Variants in PHYH observed in about 807,000 individuals in gnomAD.
PHYH encodes the protein phytanoyl-CoA 2-hydroxylase, also known as phytanoyl-CoA dioxygenase, peroxisomal.
Under a neutral mutation model 38.5 loss-of-function variants are expected in PHYH, and 32 were observed. The ratio of observed to expected loss-of-function variants is 0.83; its 90% CI spans 0.63 to 1.12. The LOEUF is 1.12. Ranked by LOEUF, PHYH falls within the 50% of genes most tolerant of loss-of-function variation. The probability of loss-of-function intolerance (pLI) is 0.00; values close to 1 mark genes in which losing one functional copy is unlikely to be tolerated. For synonymous variants in PHYH, 166 were observed against 157.9 expected, an observed-to-expected ratio of 1.05 and a Z score of -0.38; for missense variants, 426 against 434.8, an observed-to-expected ratio of 0.98 and a Z score of 0.18.
rs768262374 is a variant in PHYH at position 13,298,150 on chromosome 10, CATAATATA to C, written c.134+29_134+36del. 5.3e-6 allele frequency: 7 copies of C among 1,317,132 alleles called. No individual in the cohort carries two copies. The Admixed American group carries it at 1.2e-4, about 22-fold the overall frequency. The allele number at this position is 1,317,132 out of a possible 1,614,324, so 81.6% of individuals were successfully genotyped here. ...TTACCACTCAAGAAACTTTTATATA[CATAATATA>C]TTTCAAAATCAAAACTCAAACTACT... On this transcript the variant is annotated intron_variant, in intron 2 of 8. Coordinates refer to ENST00000263038, the MANE Select transcript of PHYH (RefSeq NM_006214.4).
intron 7 of PHYH, among the ~76,000 whole-genome samples, chr10:13,282,969 C>T (rs957021606): frequency 6.7e-5 from 10 of 148,754 alleles, no homozygotes; most frequent in African/African-American, 2.5e-4. Context: ...TAACCCATGG[C>T]CTCAGGAGAC....
At chr10:13,295,304 C>T (rs376478231) in intron 3 of PHYH, 192 bp downstream of exon 3, 1 of 572,300 alleles carries the variant, frequency 1.7e-6, no homozygotes, top group Non-Finnish European at 3.1e-6. Context: ...ACTCAGCCTA[C>T]ACAACAGAGT....
rs910908148 is a variant in PHYH, at chr10:13,289,622, G to C, written c.497-1081C>G. 5.3e-5 allele frequency among the ~76,000 whole-genome samples: 8 copies of C among 152,172 alleles called. No homozygotes were observed. In the East Asian group the frequency reaches 1.2e-3, roughly 22 times the overall value. On this transcript the variant is annotated intron_variant, in intron 5 of 8. Transcript: ENST00000263038. ...TGGAGTCAAGTTTGAAATCCCCTTT[G>C]AAGTGGCTGATGTCAAAAAAAGTTC...
rs759970314 is a variant in PHYH at position 13,298,197 on chromosome 10, G to C, written c.124C>G (p.Gln42Glu). 62 of 1,601,046 alleles carry C rather than the reference G, an allele frequency of 3.9e-5. No individual in the cohort carries two copies. The highest frequency in any genetic ancestry group is 5.1e-5 in the Non-Finnish European group (59 of 1,168,232). ...ACTCAAACTACTTACTGGAATTGTT[G>C]AGGATGGAAACTGGCAGAGGAAATA... ...GTISSASFHP[Q>E]QFQYTLDNNV... The change falls in exon 2 of 9, where the codon CAA (glutamine) becomes GAA (glutamate). Residue 42 changes from glutamine (Q) to glutamate (E), a missense_variant. By Grantham distance (29) the Gln-to-Glu change is conservative. Transcript: ENST00000263038.
chr10:13,283,624 G>T (rs1257702964), intron 7 of PHYH, 66 bp downstream of exon 7: 22 of 1,421,974 alleles, frequency 1.5e-5, no homozygotes, highest in Non-Finnish European at 2.1e-5. Flanking sequence ...TGAATTCAAT[G>T]AATTGAATAC....
chr10:13,299,644 A>G (rs1832693645), intron 1 of PHYH: 1 of 1,158,416 alleles, frequency 8.6e-7, no homozygotes, highest in Non-Finnish European at 1.1e-6. Flanking sequence ...GGGTCTCTGG[A>G]CAGCTGCCGG....
At chr10:13,295,657 T>G (rs1047383761) in intron 2 of PHYH, 51 bp from the exon 3 acceptor site, 1 of 824,030 alleles carries the variant, frequency 1.2e-6, no homozygotes, top group Non-Finnish European at 2.1e-6. Flanking sequence ...AATTACAGGC[T>G]AGGCACAATG....
Position 13,298,195 on chromosome 10 carries a change from T to C in PHYH, c.126A>G (p.Gln42=), listed in dbSNP as rs150631501. The C allele has an allele frequency of 4.8e-3, 7,721 of 1,598,434 alleles. 31 individuals carry two copies. The highest frequency in any genetic ancestry group is 5.8e-3 in the Non-Finnish European group (6,793 of 1,165,682). ...AAACTCAAACTACTTACTGGAATTG[T>C]TGAGGATGGAAACTGGCAGAGGAAA... ...GTISSASFHP[Q]QFQYTLDNNV... Residue 42 remains glutamine (Q), a synonymous_variant, in exon 2 of 9, where the codon CAA becomes CAG. Transcript: ENST00000263038.
chr10:13,282,871 G>C (rs1280288718), intron 7 of PHYH, among the ~76,000 whole-genome samples: 1 of 151,998 alleles, frequency 6.6e-6, no homozygotes, highest in African/African-American at 2.4e-5. Flanking sequence ...TTTACCCCTG[G>C]AGAGAGTGCC....
chr10:13,292,024 A>C, intron 4 of PHYH, 112 bp from the exon 5 acceptor site: 1 of 747,592 alleles, frequency 1.3e-6, no homozygotes, highest in Non-Finnish European at 2.3e-6. Flanking sequence ...CAATAGTTTA[A>C]GAACCAAGCG....
At chr10:13,282,651 A>G (rs1381453504) in intron 7 of PHYH, among the ~76,000 whole-genome samples, 1 of 151,566 alleles carries the variant, frequency 6.6e-6, no homozygotes, top group Non-Finnish European at 1.5e-5. Context: ...AACCCACAAC[A>G]TGATTTGTGT....
chr10:13,279,004 AT>A lies in PHYH; in HGVS notation c.964-651del, dbSNP rs35396826. Among the ~76,000 whole-genome samples, 161 of 147,038 alleles carry A rather than the reference AT, an allele frequency of 1.1e-3. 1 individual carries two copies. The East Asian group carries it at 0.023, about 21-fold the overall frequency. ...CAGTTCACTGCCATTTTTCTGCATA[AT>A]TTTTTTTTTTGAGACGGAATTTTGC... On this transcript the variant is annotated intron_variant, in intron 8 of 8. Transcript: ENST00000263038.
intron 1 of PHYH, among the ~76,000 whole-genome samples, chr10:13,299,063 C>T (rs2131663454): frequency 6.8e-6 from 1 of 148,018 alleles, no homozygotes; most frequent in East Asian, 2.0e-4. Context: ...TCTCTTGAGC[C>T]CAGGAGTGAG....
chr10:13,295,195 G>C, intron 3 of PHYH: 1 of 367,722 alleles, frequency 2.7e-6, no homozygotes, highest in South Asian at 2.9e-5. Flanking sequence ...TGGGTATGGT[G>C]GTGCACAACT....
intron 1 of PHYH, chr10:13,299,658 C>T (rs1564431667): frequency 2.5e-6 from 3 of 1,193,494 alleles, no homozygotes; most frequent in East Asian, 9.3e-5. Context: ...CTGCCGGGGT[C>T]ACGCGCCGCC....
chr10:13,295,262 G>A, intron 3 of PHYH: 2 of 495,088 alleles, frequency 4.0e-6, no homozygotes, highest in South Asian at 2.2e-5. Flanking sequence ...CCAGGAACTT[G>A]AGGCCGCAGT....
intron 6 of PHYH, among the ~76,000 whole-genome samples, chr10:13,285,478 C>T (rs560723517): frequency 6.6e-6 from 1 of 152,262 alleles, no homozygotes; most frequent in African/African-American, 2.4e-5. Flanking sequence ...GCCACTGTGT[C>T]CAGACGAGTT....
chr10:13,299,882 G>A lies in PHYH; in HGVS notation c.75+86C>T, dbSNP rs1832703148. 3.5e-6 allele frequency: 5 copies of A among 1,430,998 alleles called. No homozygotes were observed. In the Admixed American group the frequency reaches 1.1e-4, roughly 33 times the overall value. 88.6% of individuals were successfully genotyped at this position (1,430,998 alleles called of 1,614,324 possible). ...CTGGGGCTGCGAAGCGTGCGACCCC[G>A]AGGCCTCCACCCGGACCAGGGCCAC... is the stretch of plus-strand genomic sequence containing the variant. On this transcript the variant is annotated intron_variant, in intron 1 of 8. Transcript: ENST00000263038.
chr10:13,296,564 GAA>G lies in PHYH; in HGVS notation c.135-960_135-959del, dbSNP rs1219238482. On this transcript the variant is annotated intron_variant, in intron 2 of 8. Coordinates refer to ENST00000263038, the MANE Select transcript of PHYH (RefSeq NM_006214.4). ...GGTGACAGAGCAAGGCTCCATCTCA[GAA>G]AAAAAAAAAAAAAAAAAAGTGCATT... 3.8e-4 allele frequency among the ~76,000 whole-genome samples: 26 copies of G among 68,250 alleles called. 1 individual carries two copies. The highest frequency in any genetic ancestry group is 9.5e-4 in the African/African-American group (19 of 20,056). The allele number at this position is 68,250 out of a possible 152,430, so 44.8% of individuals were successfully genotyped here.
Sources: allele counts gnomAD v4.1 joint callset (sites outside exome capture counted in the v4.1 genomes callset), GRCh38; gene constraint gnomAD v4.1.1; transcripts MANE v1.5; gene names NCBI Gene and HGNC (gene_info 2026-07-23, HGNC 2026-07-21).